EEA1: variants seen among roughly 807,000 people sequenced by gnomAD.
The protein encoded by EEA1 is early endosome antigen 1, 162kD.
Under a neutral mutation model 209.2 loss-of-function variants are expected in EEA1, and 111 were observed. The observed-to-expected ratio is 0.53, with a 90% CI of 0.45 to 0.62. The LOEUF is 0.62. EEA1 is among the 20% of genes least tolerant of loss of function. The pLI is 0.00. For missense variants in EEA1, 1,343 were observed against 1,530.8 expected, an observed-to-expected ratio of 0.88 and a Z score of 2.05; for synonymous variants, 536 against 540.6, an observed-to-expected ratio of 0.99 and a Z score of 0.12.
intron 2 of EEA1, among the ~76,000 whole-genome samples, chr12:92,889,091 G>C (rs758379524): frequency 1.3e-4 from 20 of 151,804 alleles, no homozygotes; most frequent in Non-Finnish European, 4.4e-5. Context: ...GGTGGAGATT[G>C]CAGTGACCCA....
chr12:92,828,354 A>G (rs1196993712), intron 11 of EEA1, among the ~76,000 whole-genome samples: 1 of 152,018 alleles, frequency 6.6e-6, no homozygotes, highest in Non-Finnish European at 1.5e-5. Flanking sequence ...AAGTGTTGGA[A>G]CTTTCAGGAA....
intron 12 of EEA1, among the ~76,000 whole-genome samples, chr12:92,827,665 C>T (rs1876381605): frequency 6.6e-6 from 1 of 152,156 alleles, no homozygotes; most frequent in Non-Finnish European, 1.5e-5. Context: ...GATGGGTTCA[C>T]CCCCAGAATT....
At chr12:92,826,079 G>GATTA in intron 13 of EEA1, 87 bp downstream of exon 13, 2 of 1,368,004 alleles carry the variant, frequency 1.5e-6, no homozygotes, top group Non-Finnish European at 2.0e-6. Context: ...TAATGATTTG[G>GATTA]ATTAATTAAT....
chr12:92,814,812 C>T (rs1156768260), intron 15 of EEA1, among the ~76,000 whole-genome samples: 2 of 151,962 alleles, frequency 1.3e-5, no homozygotes, highest in East Asian at 3.9e-4. Flanking sequence ...AAGGAAGTAC[C>T]GTGGAAGTAG....
intron 1 of EEA1, among the ~76,000 whole-genome samples, chr12:92,926,340 C>G (rs1229497951): frequency 6.6e-6 from 1 of 152,130 alleles, no homozygotes; most frequent in Non-Finnish European, 1.5e-5. Flanking sequence ...TCAAATAAAT[C>G]TCTAAATTAA....
At chr12:92,839,166 T>C (rs1171350815) in intron 10 of EEA1, among the ~76,000 whole-genome samples, 1 of 152,234 alleles carries the variant, frequency 6.6e-6, no homozygotes, top group African/African-American at 2.4e-5. Context: ...ACTGTTTTTA[T>C]ATTGTACAAT....
intron 1 of EEA1, among the ~76,000 whole-genome samples, chr12:92,913,160 A>G (rs1880639041): frequency 6.6e-6 from 1 of 152,240 alleles, no homozygotes; most frequent in Non-Finnish European, 1.5e-5. Flanking sequence ...ATTCCCATCA[A>G]CAATGTATGG....
intron 1 of EEA1, among the ~76,000 whole-genome samples, chr12:92,901,627 GCATTAT>G (rs914873686): frequency 2.0e-5 from 3 of 151,394 alleles, no homozygotes; most frequent in Admixed American, 2.0e-4. Context: ...GAGTGCAATG[GCATTAT>G]CTTGGCTCAC....
chr12:92,816,021 G>A (rs1006276392), intron 15 of EEA1, among the ~76,000 whole-genome samples, 179 bp downstream of exon 15: 21 of 151,480 alleles, frequency 1.4e-4, no homozygotes, highest in African/African-American at 5.1e-4. Context: ...ACAGAGAGGG[G>A]GAGCAGGGGA....
At chr12:92,837,556 A>G (rs1238838760) in intron 10 of EEA1, among the ~76,000 whole-genome samples, 2 of 152,224 alleles carry the variant, frequency 1.3e-5, no homozygotes, top group Non-Finnish European at 2.9e-5. Flanking sequence ...ATTATATTGT[A>G]GTGACTGTAG....
intron 23 of EEA1, among the ~76,000 whole-genome samples, chr12:92,781,288 C>T (rs1346558923): frequency 6.6e-6 from 1 of 152,200 alleles, no homozygotes; most frequent in African/African-American, 2.4e-5. Flanking sequence ...ACCATCACCA[C>T]ACCCACAGAA....
Position 92,811,272 on chromosome 12 carries a change from T to A in EEA1, c.2199+7A>T. 1 of 1,518,778 alleles carries A rather than the reference T, an allele frequency of 6.6e-7. No homozygotes were observed. Among genetic ancestry groups the A allele is most frequent in the Non-Finnish European group, 8.8e-7 (1 of 1,134,716 alleles). 94.1% of individuals were successfully genotyped at this position (1,518,778 alleles called of 1,614,324 possible). A position where few individuals can be genotyped will look rare whatever the true frequency, so the allele number is the denominator to read the frequency against. ...ATATGACTAAATTCAACTTCTTTTA[T>A]ACAAACCTTAATTTGACCTTCTAGC... On this transcript the variant is annotated splice_region_variant and intron_variant, in intron 17 of 28. Coordinates refer to ENST00000322349, the MANE Select transcript of EEA1 (RefSeq NM_003566.4).
chr12:92,826,485 G>A (rs896700386), intron 12 of EEA1, among the ~76,000 whole-genome samples, 200 bp from the exon 13 acceptor site: 8 of 151,716 alleles, frequency 5.3e-5, no homozygotes, highest in African/African-American at 4.8e-5. Context: ...CAAGATGGGC[G>A]AATCACAAGG....
At chr12:92,818,177 C>T (rs1875882359) in intron 14 of EEA1, among the ~76,000 whole-genome samples, 1 of 152,174 alleles carries the variant, frequency 6.6e-6, no homozygotes, top group Admixed American at 6.5e-5. Context: ...TCTGCCTTAA[C>T]CTCCCTGAAC....
Position 92,913,587 on chromosome 12 carries a change from C to T in EEA1, c.24+15456G>A, listed in dbSNP as rs568607330. Among the ~76,000 whole-genome samples, 6 of 152,174 alleles carry T rather than the reference C, an allele frequency of 3.9e-5. No individual in the cohort carries two copies. In the East Asian group the frequency reaches 7.7e-4, roughly 20 times the overall value. ...GCTTTTGAGGTCTCAGTCATAAATT[C>T]TTCGCCCAGGCTAATGTCCAGAGAG... On this transcript the variant is annotated intron_variant, in intron 1 of 28. Coordinates refer to ENST00000322349, the MANE Select transcript of EEA1 (RefSeq NM_003566.4).
chr12:92,834,680 G>GA (rs1348250799), intron 10 of EEA1, among the ~76,000 whole-genome samples: 1 of 149,646 alleles, frequency 6.7e-6, no homozygotes, highest in African/African-American at 2.5e-5. Flanking sequence ...AACAAAAACA[G>GA]AAAAAAAGAC....
chr12:92,831,163 TATTA>T (rs1426369768), intron 11 of EEA1, among the ~76,000 whole-genome samples: 1 of 152,202 alleles, frequency 6.6e-6, no homozygotes, highest in African/African-American at 2.4e-5. Context: ...CCATGAAAAT[TATTA>T]ATTATAGTAA....
intron 5 of EEA1, 23 bp downstream of exon 5, chr12:92,857,252 T>C: frequency 6.5e-7 from 1 of 1,549,448 alleles, no homozygotes; most frequent in Non-Finnish European, 8.7e-7. Context: ...ATAAACATGC[T>C]TTAAGTAGTT....
chr12:92,884,248 T>C lies in EEA1; in HGVS notation c.117+7381A>G, dbSNP rs192774157. The C allele has an allele frequency of 6.3e-4, 951 of 1,517,808 alleles. 1 individual carries two copies. The highest frequency in any genetic ancestry group is 6.9e-4 in the Non-Finnish European group (762 of 1,108,706). 94.0% of individuals were successfully genotyped at this position (1,517,808 alleles called of 1,614,324 possible). ...CCTTTGACGACCATGACTCCGTGGA[T>C]AAGACTGTCATTCAGAAATACCATA... On this transcript the variant is annotated intron_variant, in intron 2 of 28. Coordinates refer to ENST00000322349, the MANE Select transcript of EEA1 (RefSeq NM_003566.4).
Sources: gnomAD v4.1 joint callset for allele counts (sites outside exome capture counted in the v4.1 genomes callset) on GRCh38, gnomAD v4.1.1 for gene constraint, MANE v1.5 for transcripts, NCBI Gene and HGNC (gene_info 2026-07-23, HGNC 2026-07-21) for gene names.